ADAM10: variants seen among roughly 807,000 people sequenced by gnomAD.
ADAM10 encodes the protein ADAM metallopeptidase domain 10, also known as disintegrin and metalloproteinase domain-containing protein 10.
A neutral mutation model predicts 90.1 loss-of-function variants in ADAM10; 17 were observed. That is an observed-to-expected ratio of 0.19 (90% CI 0.13 to 0.28). The LOEUF (loss-of-function observed/expected upper bound fraction) is 0.28, where lower values mean the gene tolerates loss of function less well. ADAM10 is among the 10% of genes least tolerant of loss of function. The pLI, the probability that ADAM10 is intolerant of heterozygous loss-of-function variation, is 1.00. For missense variants in ADAM10, 610 were observed against 914.3 expected, an observed-to-expected ratio of 0.67 and a Z score of 4.29; for synonymous variants, 310 against 298.6, an observed-to-expected ratio of 1.04 and a Z score of -0.40.
At position 58,601,898 on chromosome 15, in the gene ADAM10, A is replaced by C. The variant is rs527887440; in HGVS notation, c.2026-2174T>G. ...CAAATTCAGGTCACACATCTTTGGT[A>C]AGAATATCACAGATGCTGTGTTCTC... is the stretch of plus-strand genomic sequence containing the variant. On this transcript the variant is annotated intron_variant, in intron 14 of 15. Transcript: ENST00000260408. 2.0e-5 allele frequency among the ~76,000 whole-genome samples: 3 copies of C among 152,314 alleles called. No homozygotes were observed. In the South Asian group the frequency reaches 6.2e-4, roughly 32 times the overall value.
At chr15:58,725,701 G>C (rs1899006362) in intron 1 of ADAM10, among the ~76,000 whole-genome samples, 2 of 151,968 alleles carry the variant, frequency 1.3e-5, no homozygotes, top group African/African-American at 2.4e-5. Context: ...TTTATAAACA[G>C]AGGAACAAAG....
chr15:58,724,884 C>G (rs1396759274), intron 1 of ADAM10, among the ~76,000 whole-genome samples: 5 of 152,148 alleles, frequency 3.3e-5, no homozygotes. Context: ...TAACACCTTA[C>G]TAGTGGAGTG....
intron 5 of ADAM10, among the ~76,000 whole-genome samples, chr15:58,658,330 C>T (rs1896882942): frequency 1.3e-5 from 2 of 152,108 alleles, no homozygotes; most frequent in Non-Finnish European, 2.9e-5. Context: ...ACCATGTGGA[C>T]TCTCTATGTT....
At chr15:58,661,053 A>G (rs1259649132) in intron 5 of ADAM10, among the ~76,000 whole-genome samples, 2 of 152,266 alleles carry the variant, frequency 1.3e-5, no homozygotes, top group East Asian at 1.9e-4. Flanking sequence ...TCAAAATTAC[A>G]TCACTTCACA....
intron 9 of ADAM10, 64 bp from the exon 10 acceptor site, chr15:58,627,947 T>A: frequency 6.8e-7 from 1 of 1,477,524 alleles, no homozygotes; most frequent in Non-Finnish European, 9.4e-7. Context: ...GTCAACTGAT[T>A]AAACGTAATG....
At chr15:58,747,385 T>A (rs1899826413) in intron 1 of ADAM10, 2 of 152,210 alleles carry the variant, frequency 1.3e-5, no homozygotes, top group Admixed American at 1.3e-4. Context: ...ATTAACTACC[T>A]GAAAATGATT....
rs142343087 is a variant in ADAM10, at chr15:58,693,313, T to G, written c.207-10999A>C. ...AAGAGCTAATTCTTTATACTAAAATTTCATTCTTCAATTTACTGTATGGAT... is the reference window on the plus strand; with the variant it reads ...AAGAGCTAATTCTTTATACTAAAATGTCATTCTTCAATTTACTGTATGGAT... On this transcript the variant is annotated intron_variant, in intron 2 of 15. Coordinates refer to ENST00000260408, the MANE Select transcript of ADAM10 (RefSeq NM_001110.4). Among the ~76,000 whole-genome samples the G allele has an allele frequency of 2.6e-5, 4 of 152,312 alleles. No homozygotes were observed. The East Asian group carries it at 5.8e-4, about 22-fold the overall frequency.
chr15:58,673,247 T>G (rs1443654931), intron 4 of ADAM10, among the ~76,000 whole-genome samples: 1 of 152,180 alleles, frequency 6.6e-6, no homozygotes, highest in Non-Finnish European at 1.5e-5. Flanking sequence ...TAAGCCAGCA[T>G]GAAAATCTAA....
At chr15:58,686,130 A>G (rs1326987934) in intron 2 of ADAM10, among the ~76,000 whole-genome samples, 1 of 152,338 alleles carries the variant, frequency 6.6e-6, no homozygotes, top group East Asian at 1.9e-4. Context: ...CTGTGGCTCA[A>G]TACTATCGTG....
At chr15:58,737,706 G>A (rs1387840355) in intron 1 of ADAM10, among the ~76,000 whole-genome samples, 1 of 152,112 alleles carries the variant, frequency 6.6e-6, no homozygotes, top group Non-Finnish European at 1.5e-5. Flanking sequence ...TATTCCATGG[G>A]TAGGTAGCAT....
chr15:58,731,082 T>C lies in ADAM10; in HGVS notation c.56-13355A>G, dbSNP rs116836519. The stretch of plus-strand genomic sequence containing the variant: ...TCATGTATCTATCTGTACATATGTA[T>C]ATCCTATTGGTTCTGTCTCTCTGGA... On this transcript the variant is annotated intron_variant, in intron 1 of 15. Coordinates refer to ENST00000260408, the MANE Select transcript of ADAM10 (RefSeq NM_001110.4). Among the ~76,000 whole-genome samples, 393 of 152,322 alleles carry C rather than the reference T, an allele frequency of 2.6e-3. 1 individual carries two copies. The highest frequency in any genetic ancestry group is 9.2e-3 in the African/African-American group (381 of 41,566).
chr15:58,670,873 T>C (rs1897175930), intron 4 of ADAM10, among the ~76,000 whole-genome samples: 1 of 152,192 alleles, frequency 6.6e-6, no homozygotes, highest in Admixed American at 6.5e-5. Flanking sequence ...AAAGGAAAAG[T>C]AGTTTAGAAC....
intron 1 of ADAM10, among the ~76,000 whole-genome samples, chr15:58,740,753 T>C (rs1899585513): frequency 6.6e-6 from 1 of 152,194 alleles, no homozygotes; most frequent in Non-Finnish European, 1.5e-5. Flanking sequence ...ACACAAATAC[T>C]ATAAATTCGT....
At position 58,649,268 on chromosome 15, in the gene ADAM10, G is replaced by T. The variant is rs1004256111; in HGVS notation, c.586-3064C>A. ...CAAATATAAATTATAACATTTACTTGTTCCTAGAAAAGAACCTCAGAACAC... is the reference window on the plus strand; with the variant it reads ...CAAATATAAATTATAACATTTACTTTTTCCTAGAAAAGAACCTCAGAACAC... On this transcript the variant is annotated intron_variant, in intron 5 of 15. Coordinates refer to ENST00000260408, the MANE Select transcript of ADAM10 (RefSeq NM_001110.4). Among the ~76,000 whole-genome samples the T allele has an allele frequency of 2.2e-4, 34 of 151,820 alleles. 1 individual carries two copies. The highest frequency in any genetic ancestry group is 2.0e-3 in the Admixed American group (31 of 15,234).
intron 2 of ADAM10, among the ~76,000 whole-genome samples, chr15:58,712,142 TAC>T (rs1254833656): frequency 2.0e-5 from 3 of 152,214 alleles, no homozygotes; most frequent in African/African-American, 7.2e-5. Context: ...ATATAGGTGA[TAC>T]AGAGATATTC....
At chr15:58,695,545 A>G (rs1242214971) in intron 2 of ADAM10, among the ~76,000 whole-genome samples, 3 of 152,224 alleles carry the variant, frequency 2.0e-5, no homozygotes, top group African/African-American at 4.8e-5. Flanking sequence ...TTTATTATTC[A>G]GCAAAATTGC....
chr15:58,735,439 G>A (rs1239631271), intron 1 of ADAM10, among the ~76,000 whole-genome samples: 1 of 152,152 alleles, frequency 6.6e-6, no homozygotes, highest in East Asian at 1.9e-4. Flanking sequence ...CTGGGGGGTT[G>A]GTTCAAGGAC....
chr15:58,628,320 G>A (rs572991489), intron 9 of ADAM10, among the ~76,000 whole-genome samples: 37 of 152,128 alleles, frequency 2.4e-4, no homozygotes, highest in Admixed American at 2.2e-3. Flanking sequence ...GACTGACATG[G>A]GGCTAAATAC....
At chr15:58,708,673 T>G (rs1455136879) in intron 2 of ADAM10, among the ~76,000 whole-genome samples, 1 of 152,152 alleles carries the variant, frequency 6.6e-6, no homozygotes, top group African/African-American at 2.4e-5. Flanking sequence ...AACCTGGCAA[T>G]TGATACTGGC....
Sources: allele counts gnomAD v4.1 joint callset (sites outside exome capture counted in the v4.1 genomes callset), GRCh38; gene constraint gnomAD v4.1.1; transcripts MANE v1.5; gene names NCBI Gene and HGNC (gene_info 2026-07-23, HGNC 2026-07-21).